The following RNF216 variants were observed in gnomAD, a reference collection of about 807,000 sequenced individuals.
RNF216 encodes ring finger protein 216, also known as E3 ubiquitin-protein ligase RNF216.
A neutral mutation model predicts 110.8 loss-of-function variants in RNF216; 72 were observed. The ratio of observed to expected loss-of-function variants is 0.65; its 90% CI spans 0.54 to 0.79. The LOEUF is 0.79. RNF216 is among the 30% of genes least tolerant of loss of function. The probability of loss-of-function intolerance (pLI) is 0.00; values close to 1 mark genes in which losing one functional copy is unlikely to be tolerated. For missense variants in RNF216, 1,342 were observed against 1,141.2 expected, an observed-to-expected ratio of 1.18 and a Z score of -2.54; for synonymous variants, 495 against 407.5, an observed-to-expected ratio of 1.21 and a Z score of -2.59.
chr7:5,754,262 C>T (rs1302807366), intron 2 of RNF216, among the ~76,000 whole-genome samples: 2 of 151,734 alleles, frequency 1.3e-5, no homozygotes, highest in Non-Finnish European at 2.9e-5. Context: ...CTCAAGCAAT[C>T]CTCCCATGTC....
intron 1 of RNF216, among the ~76,000 whole-genome samples, chr7:5,777,849 T>A (rs868817747): frequency 6.6e-6 from 1 of 152,194 alleles, no homozygotes; most frequent in Non-Finnish European, 1.5e-5. Context: ...AAATCTTCAG[T>A]GGGCGGGCTA....
At chr7:5,704,300 A>G (rs530340398) in intron 13 of RNF216, among the ~76,000 whole-genome samples, 140 of 152,324 alleles carry the variant, frequency 9.2e-4, no homozygotes, top group South Asian at 4.8e-3. Flanking sequence ...TGGAATTTAT[A>G]TTACTGGCAA....
intron 15 of RNF216, among the ~76,000 whole-genome samples, chr7:5,631,281 C>T (rs1046544714): frequency 6.6e-6 from 1 of 152,184 alleles, no homozygotes; most frequent in Non-Finnish European, 1.5e-5. Flanking sequence ...GCCCACTTGT[C>T]GGCCTCTGGT....
chr7:5,667,211 C>T (rs888133828), intron 13 of RNF216, among the ~76,000 whole-genome samples: 4 of 152,308 alleles, frequency 2.6e-5, no homozygotes, highest in Admixed American at 6.5e-5. Context: ...TACTAGGGCA[C>T]ATTCCATGTG....
intron 8 of RNF216, among the ~76,000 whole-genome samples, chr7:5,723,654 A>AAAAATAAAT (rs768696130): frequency 2.6e-5 from 4 of 152,116 alleles, no homozygotes; most frequent in Middle Eastern, 6.3e-3. Context: ...CTCAAAAAAA[A>AAAAATAAAT]AAAATAAATA....
At chr7:5,733,262 G>A (rs778303202) in intron 5 of RNF216, 1 of 152,168 alleles carries the variant, frequency 6.6e-6, no homozygotes, top group Admixed American at 6.5e-5. Context: ...TTGCTTTTTG[G>A]ATTTCACGAG....
intron 6 of RNF216, among the ~76,000 whole-genome samples, chr7:5,730,192 T>A (rs189686469): frequency 2.0e-5 from 3 of 152,356 alleles, no homozygotes; most frequent in Non-Finnish European, 2.9e-5. Flanking sequence ...AGTGTACTCA[T>A]GTTTTTGCAA....
At chr7:5,642,616 T>G (rs1787807113) in intron 14 of RNF216, among the ~76,000 whole-genome samples, 1 of 151,390 alleles carries the variant, frequency 6.6e-6, no homozygotes, top group African/African-American at 2.4e-5. Context: ...TGCCACCACA[T>G]CACCACACCT....
intron 3 of RNF216, among the ~76,000 whole-genome samples, chr7:5,749,431 G>A (rs574486822): frequency 6.6e-6 from 1 of 152,272 alleles, no homozygotes; most frequent in South Asian, 2.1e-4. Context: ...GATTACAGGC[G>A]TGAGCCACCA....
intron 1 of RNF216, among the ~76,000 whole-genome samples, chr7:5,763,434 T>C (rs929499532): frequency 2.0e-5 from 3 of 152,050 alleles, no homozygotes; most frequent in African/African-American, 7.2e-5. Context: ...AGTTTGATAC[T>C]AGCCGGGCCA....
chr7:5,779,399 A>T (rs1796951704), intron 1 of RNF216, among the ~76,000 whole-genome samples: 1 of 152,028 alleles, frequency 6.6e-6, no homozygotes, highest in African/African-American at 2.4e-5. Flanking sequence ...CAAATCCACC[A>T]CTACTCCCCA....
chr7:5,706,324 T>C lies in RNF216; in HGVS notation c.2061+5437A>G, dbSNP rs533596324. On this transcript the variant is annotated intron_variant, in intron 13 of 16. Coordinates refer to ENST00000389902, the MANE Select transcript of RNF216 (RefSeq NM_207111.4). ...GTCTGTTAGCAAAATGTTGTACAGCTGATCTCTAAACAACTTAATCTGGCA... is the reference window on the plus strand; with the variant it reads ...GTCTGTTAGCAAAATGTTGTACAGCCGATCTCTAAACAACTTAATCTGGCA... 2.0e-5 allele frequency among the ~76,000 whole-genome samples: 3 copies of C among 152,280 alleles called. No individual in the cohort carries two copies. The East Asian group carries it at 5.8e-4, about 29-fold the overall frequency.
rs557593140 is a variant in RNF216, at chr7:5,633,221, C to T, written c.2382+7933G>A. On this transcript the variant is annotated intron_variant, in intron 15 of 16. Transcript: ENST00000389902. ...CTCGAACTCCTGACCTTGTGATCCA[C>T]CCGCCTTGGCCTCCCGAAGTGCTGG... Among the ~76,000 whole-genome samples, 523 of 152,072 alleles carry T rather than the reference C, an allele frequency of 3.4e-3. 1 individual carries two copies. The highest frequency in any genetic ancestry group is 0.012 in the African/African-American group (489 of 41,550).
intron 15 of RNF216, among the ~76,000 whole-genome samples, chr7:5,640,528 A>G (rs929312759): frequency 2.0e-5 from 3 of 152,084 alleles, no homozygotes; most frequent in Non-Finnish European, 4.4e-5. Flanking sequence ...AACAGACCCT[A>G]TGTGTTTAAT....
intron 15 of RNF216, among the ~76,000 whole-genome samples, chr7:5,637,877 G>C (rs1357462740): frequency 1.3e-5 from 2 of 152,206 alleles, no homozygotes; most frequent in East Asian, 1.9e-4. Context: ...ATCAAGTCTT[G>C]TTCTGTTGTC....
intron 14 of RNF216, among the ~76,000 whole-genome samples, chr7:5,643,949 G>A (rs965623166): frequency 2.6e-5 from 4 of 152,162 alleles, no homozygotes; most frequent in Non-Finnish European, 4.4e-5. Context: ...GAAATCACAC[G>A]TGTGTTTTTG....
At chr7:5,630,930 T>C (rs852450) in intron 15 of RNF216, among the ~76,000 whole-genome samples, 27,156 of 152,060 alleles carry the variant, frequency 0.18, 4,197 homozygotes, top group African/African-American at 0.42. Context: ...ACATAACCCC[T>C]CAGGTTTCTG....
chr7:5,707,730 T>C (rs935951035), intron 13 of RNF216, among the ~76,000 whole-genome samples: 2 of 145,654 alleles, frequency 1.4e-5, no homozygotes, highest in Non-Finnish European at 1.5e-5. Flanking sequence ...TTTTTTTTTT[T>C]TTTTTTTTTT....
chr7:5,756,015 A>G (rs1231574452), intron 2 of RNF216, among the ~76,000 whole-genome samples: 1 of 152,052 alleles, frequency 6.6e-6, no homozygotes, highest in Non-Finnish European at 1.5e-5. Flanking sequence ...CAAAAATCTC[A>G]TCTTGAATTG....
Sources: gnomAD v4.1 joint callset for allele counts (sites outside exome capture counted in the v4.1 genomes callset) on GRCh38, gnomAD v4.1.1 for gene constraint, MANE v1.5 for transcripts, NCBI Gene and HGNC (gene_info 2026-07-23, HGNC 2026-07-21) for gene names.